IL1RAPL1: variants seen among roughly 807,000 people sequenced by gnomAD.
IL1RAPL1 encodes the protein interleukin-1 receptor accessory protein-like 1.
A neutral mutation model predicts 48.4 loss-of-function variants in IL1RAPL1; 3 were observed. The observed-to-expected ratio is 0.06, with a 90% confidence interval of 0.03 to 0.16. The LOEUF is 0.16. Among genes scored for constraint, IL1RAPL1 ranks in the 10% least tolerant of loss-of-function variants. IL1RAPL1 has a pLI of 1.00. For synonymous variants in IL1RAPL1, 185 were observed against 187.7 expected (o/e 0.99, Z 0.12); for missense variants, 349 against 530.6 (o/e 0.66, Z 3.36).
chrX:29,176,085 CTTTTTTTT>C (rs752040172), intron 2 of IL1RAPL1, among the ~76,000 whole-genome samples: 1 of 75,751 alleles, frequency 1.3e-5, no homozygotes, highest in Non-Finnish European at 2.5e-5. Context: ...TGGTAATTTG[CTTTTTTTT>C]TTTTTTTTTT....
At chrX:28,698,504 T>A (rs971531403) in intron 1 of IL1RAPL1, among the ~76,000 whole-genome samples, 4 of 111,781 alleles carry the variant, frequency 3.6e-5, no homozygotes, top group African/African-American at 1.3e-4. Flanking sequence ...CGACTTTAAT[T>A]AAAATAATCA....
intron 2 of IL1RAPL1, among the ~76,000 whole-genome samples, chrX:29,151,111 C>T (rs1040501014): frequency 2.2e-4 from 24 of 110,213 alleles, no homozygotes; most frequent in African/African-American, 7.9e-4. Context: ...ACATCCAGAA[C>T]ATGAAACAAA....
intron 2 of IL1RAPL1, among the ~76,000 whole-genome samples, chrX:29,160,341 A>G (rs1271218952): frequency 9.0e-6 from 1 of 111,503 alleles, no homozygotes; most frequent in Middle Eastern, 4.2e-3. Context: ...TGTTCATTAG[A>G]TATGGAGTTT....
chrX:29,132,791 A>G (rs749916116), intron 2 of IL1RAPL1, among the ~76,000 whole-genome samples: 29 of 111,364 alleles, frequency 2.6e-4, no homozygotes, highest in Non-Finnish European at 4.9e-4. Context: ...TTTTCTTGGT[A>G]TCTTCCTACC....
At chrX:29,668,532 A>G in intron 6 of IL1RAPL1, 28 bp downstream of exon 6, 1 of 1,023,181 alleles carries the variant, frequency 9.8e-7, no homozygotes, top group Non-Finnish European at 1.4e-6. Context: ...TCTAGTTAAT[A>G]TGCTGCTCTC....
At chrX:28,705,530 G>T (rs1324870563) in intron 1 of IL1RAPL1, among the ~76,000 whole-genome samples, 1 of 111,704 alleles carries the variant, frequency 9.0e-6, no homozygotes, top group Non-Finnish European at 1.9e-5. Context: ...ATACAAAATA[G>T]GTAAAGAAAC....
intron 6 of IL1RAPL1, among the ~76,000 whole-genome samples, chrX:29,912,853 A>G (rs1448609888): frequency 9.0e-6 from 1 of 111,727 alleles, no homozygotes; most frequent in Non-Finnish European, 1.9e-5. Context: ...CATAACTACT[A>G]TTTATCCTTT....
At chrX:29,218,534 C>A (rs6628419) in intron 2 of IL1RAPL1, among the ~76,000 whole-genome samples, 1 of 111,610 alleles carries the variant, frequency 9.0e-6, no homozygotes. Flanking sequence ...CTGCTATATC[C>A]TATGTCTATG....
chrX:29,466,298 G>A (rs1354160809), intron 5 of IL1RAPL1, among the ~76,000 whole-genome samples: 1 of 111,615 alleles, frequency 9.0e-6, no homozygotes, highest in Non-Finnish European at 1.9e-5. Flanking sequence ...AGCTGCCACA[G>A]AGTAACCATT....
chrX:28,642,392 A>C (rs2146899355), intron 1 of IL1RAPL1, among the ~76,000 whole-genome samples: 1 of 112,109 alleles, frequency 8.9e-6, no homozygotes, highest in South Asian at 3.7e-4. Context: ...GTTATTCTAA[A>C]ATTTACCACA....
intron 5 of IL1RAPL1, among the ~76,000 whole-genome samples, chrX:29,452,916 A>ATTTT (rs72259685): frequency 4.1e-5 from 2 of 48,877 alleles, no homozygotes; most frequent in Admixed American, 2.3e-4. Flanking sequence ...GTGACTACAG[A>ATTTT]TTTTTTTTTT....
intron 5 of IL1RAPL1, among the ~76,000 whole-genome samples, chrX:29,504,339 A>C (rs1935306431): frequency 9.0e-6 from 1 of 111,561 alleles, no homozygotes; most frequent in African/African-American, 3.3e-5. Flanking sequence ...TTTCAATTCT[A>C]GATAGCCCTA....
intron 8 of IL1RAPL1, among the ~76,000 whole-genome samples, chrX:29,938,301 T>C (rs1348978727): frequency 2.7e-5 from 3 of 112,329 alleles, no homozygotes; most frequent in African/African-American, 9.7e-5. Flanking sequence ...ATGAGAGTTC[T>C]GTTTATTAGA....
chrX:29,682,982 T>C (rs1486639173), intron 6 of IL1RAPL1, among the ~76,000 whole-genome samples: 1 of 111,671 alleles, frequency 9.0e-6, no homozygotes, highest in African/African-American at 3.3e-5. Context: ...AACAGAGCAG[T>C]AGGTTGAGTT....
rs752096218 is a variant in IL1RAPL1, at chrX:29,319,516, TTGTATGTATGTATGTA to T, written c.362+36329_362+36344del. Among the ~76,000 whole-genome samples the T allele has an allele frequency of 1.2e-3, 111 of 91,190 alleles. 2 individuals carry two copies. In the East Asian group the frequency reaches 0.023, roughly 19 times the overall value. The allele number at this position is 91,190 out of a possible 115,157, so 79.2% of individuals were successfully genotyped here. On this transcript the variant is annotated intron_variant, in intron 3 of 10. Transcript: ENST00000378993. ...ACCATGCCTGGACACATGTGATATT[TTGTATGTATGTATGTA>T]TGTATGTATGTATGTATGTATGTAT...
At chrX:29,867,585 A>G (rs986038674) in intron 6 of IL1RAPL1, among the ~76,000 whole-genome samples, 3 of 112,016 alleles carry the variant, frequency 2.7e-5, no homozygotes, top group Non-Finnish European at 5.6e-5. Flanking sequence ...TGAGAAATAA[A>G]TTCTCGTTTA....
At chrX:29,377,489 C>T (rs1036800149) in intron 3 of IL1RAPL1, among the ~76,000 whole-genome samples, 1 of 111,899 alleles carries the variant, frequency 8.9e-6, no homozygotes, top group Non-Finnish European at 1.9e-5. Context: ...TTTGTGGTAG[C>T]AAGTGTTGTT....
intron 2 of IL1RAPL1, among the ~76,000 whole-genome samples, chrX:29,007,096 T>A (rs1369688078): frequency 2.7e-5 from 3 of 112,014 alleles, no homozygotes; most frequent in Non-Finnish European, 5.6e-5. Context: ...TCAACATTTG[T>A]GAATTGTACA....
chrX:29,537,536 AG>A (rs940680763), intron 5 of IL1RAPL1, among the ~76,000 whole-genome samples: 7 of 109,083 alleles, frequency 6.4e-5, no homozygotes, highest in African/African-American at 2.3e-4. Context: ...TTGGAGTAAA[AG>A]GACTACCTGA....
Sources: allele counts gnomAD v4.1 joint callset (sites outside exome capture counted in the v4.1 genomes callset), GRCh38; gene constraint gnomAD v4.1.1; transcripts MANE v1.5; gene names NCBI Gene and HGNC (gene_info 2026-07-23, HGNC 2026-07-21).